KAZN: variants seen among roughly 807,000 people sequenced by gnomAD.
KAZN encodes the protein kazrin.
In KAZN, 40 loss-of-function variants were observed where a neutral mutation model predicts 87.4. That is an observed-to-expected ratio of 0.46 (90% CI 0.36 to 0.60). The LOEUF (loss-of-function observed/expected upper bound fraction) is 0.60, where lower values mean the gene tolerates loss of function less well. Ranked by LOEUF, KAZN falls within the 20% of genes least tolerant of loss-of-function variation. KAZN has a pLI of 0.00. For missense variants in KAZN, 898 were observed against 1,073.9 expected (o/e 0.84, Z 2.29); for synonymous variants, 466 against 458.3 (o/e 1.02, Z -0.22).
chr1:14,151,190 CAGATTGTA>C (rs772775211), intron 1 of KAZN, among the ~76,000 whole-genome samples: 1 of 133,836 alleles, frequency 7.5e-6, no homozygotes, highest in Non-Finnish European at 1.6e-5. Flanking sequence ...ATTCTGTTTC[CAGATTGTA>C]GAAAAAAAAG....
chr1:14,994,658 C>G lies in KAZN; in HGVS notation c.418+33783C>G, dbSNP rs564640401. On this transcript the variant is annotated intron_variant, in intron 2 of 14. Transcript: ENST00000376030. ...CTTATCTGTTGTTCTTGGGCTTCCT[C>G]TCAGCGTCTTAGAGGCAGTGCCACG... Among the ~76,000 whole-genome samples, 4 of 152,354 alleles carry G rather than the reference C, an allele frequency of 2.6e-5. No individual in the cohort carries two copies. In the South Asian group the frequency reaches 8.3e-4, roughly 32 times the overall value.
At chr1:14,901,497 T>C (rs1053629212) in intron 1 of KAZN, among the ~76,000 whole-genome samples, 2 of 151,960 alleles carry the variant, frequency 1.3e-5, no homozygotes, top group Non-Finnish European at 2.9e-5. Flanking sequence ...GTCTGAGTGC[T>C]GATAAGTCTG....
chr1:13,957,107 C>A (rs918050626), intron 1 of KAZN, among the ~76,000 whole-genome samples: 1 of 152,012 alleles, frequency 6.6e-6, no homozygotes, highest in African/African-American at 2.4e-5. Flanking sequence ...TGTGTTGGAG[C>A]CTTGTGACCT....
intron 2 of KAZN, among the ~76,000 whole-genome samples, chr1:14,225,206 G>T (rs544226745): frequency 2.0e-5 from 3 of 152,164 alleles, no homozygotes; most frequent in Admixed American, 6.5e-5. Flanking sequence ...AAAGTTTCAG[G>T]ATACAAAATC....
At chr1:14,754,496 G>T (rs997695383) in intron 1 of KAZN, among the ~76,000 whole-genome samples, 2 of 152,228 alleles carry the variant, frequency 1.3e-5, no homozygotes, top group East Asian at 3.9e-4. Context: ...AGCCAGGCAT[G>T]GTGGTGGGCG....
At chr1:14,423,062 A>C (rs1665524389) in intron 2 of KAZN, among the ~76,000 whole-genome samples, 1 of 152,238 alleles carries the variant, frequency 6.6e-6, no homozygotes, top group African/African-American at 2.4e-5. Flanking sequence ...AGAGGAAGCT[A>C]GTCTCATAGC....
intron 2 of KAZN, among the ~76,000 whole-genome samples, chr1:15,000,240 G>A (rs1668332038): frequency 6.6e-6 from 1 of 151,910 alleles, no homozygotes; most frequent in African/African-American, 2.4e-5. Context: ...ATGGGATGCA[G>A]GCGGCCTCTA....
intron 2 of KAZN, among the ~76,000 whole-genome samples, chr1:14,353,605 A>C (rs1658746727): frequency 6.6e-6 from 1 of 152,242 alleles, no homozygotes; most frequent in Non-Finnish European, 1.5e-5. Flanking sequence ...GTCACATGCT[A>C]TAAAGTTAAC....
At chr1:14,904,955 G>A (rs1007268807) in intron 1 of KAZN, among the ~76,000 whole-genome samples, 2 of 152,158 alleles carry the variant, frequency 1.3e-5, no homozygotes, top group African/African-American at 4.8e-5. Context: ...TAGAGATGGG[G>A]TTTCACGGTG....
intron 2 of KAZN, among the ~76,000 whole-genome samples, chr1:14,985,244 T>TGCCA (rs560285595): frequency 2.7e-5 from 3 of 110,332 alleles, no homozygotes; most frequent in South Asian, 3.1e-4. Flanking sequence ...TCCCAGAACT[T>TGCCA]TGGTGGGAGG....
In KAZN at chr1:14,622,203, C is replaced by T. The variant is rs1050553510; in HGVS notation, c.226+22980C>T. Among the ~76,000 whole-genome samples the T allele has an allele frequency of 7.2e-5, 11 of 152,216 alleles. No homozygotes were observed. In the East Asian group the frequency reaches 1.5e-3, roughly 21 times the overall value. ...CATATAGTAAATTGTAAATGTTGAC[C>T]GATCCAAAGTCCCTGAAATCAGCCC... On this transcript the variant is annotated intron_variant, in intron 1 of 14. Transcript: ENST00000376030.
chr1:14,082,435 C>T (rs1471505356), intron 1 of KAZN, among the ~76,000 whole-genome samples: 1 of 152,172 alleles, frequency 6.6e-6, no homozygotes, highest in African/African-American at 2.4e-5. Context: ...TGTTATTTCA[C>T]AACAAGGGCC....
At chr1:14,248,238 G>T (rs2100602242) in intron 2 of KAZN, among the ~76,000 whole-genome samples, 1 of 152,304 alleles carries the variant, frequency 6.6e-6, no homozygotes, top group African/African-American at 2.4e-5. Context: ...AGGAGACATG[G>T]ATTCTAAACT....
rs375051238 is a variant in KAZN, at chr1:14,949,155, A to AAATCAT, written c.227-11526_227-11525insCATAAT. ...GCAACAGAGTGAGACTCCGACTCAA[A>AAATCAT]AATAATAATAATAATAATAATAATA... is the stretch of plus-strand genomic sequence containing the variant. On this transcript the variant is annotated intron_variant, in intron 1 of 14. Transcript: ENST00000376030. This position sits in a 1 kb window ranked among gnomAD's most constrained non-coding sequence, Gnocchi z 4.3. 7.0e-6 allele frequency among the ~76,000 whole-genome samples: 1 copy of AAATCAT among 143,868 alleles called. No individual in the cohort carries two copies. The highest frequency in any genetic ancestry group is 1.5e-5 in the Non-Finnish European group (1 of 66,222). 94.4% of individuals were successfully genotyped at this position (143,868 alleles called of 152,430 possible).
At position 14,949,422 on chromosome 1, in the gene KAZN, A is replaced by G. The variant is rs1419997397; in HGVS notation, c.227-11262A>G. 1.3e-5 allele frequency among the ~76,000 whole-genome samples: 2 copies of G among 152,138 alleles called. No homozygotes were observed. The highest frequency in any genetic ancestry group is 2.9e-5 in the Non-Finnish European group (2 of 68,024). ...CCAAGTAGGTAGGAGCAGACTGTTC[A>G]TAAGTCATCAAGGAGGCCTGGCCAT... On this transcript the variant is annotated intron_variant, in intron 1 of 14. Coordinates refer to ENST00000376030, the MANE Select transcript of KAZN (RefSeq NM_201628.3). This position sits in a 1 kb window ranked among gnomAD's most constrained non-coding sequence, Gnocchi z 4.3.
intron 8 of KAZN, among the ~76,000 whole-genome samples, chr1:15,086,116 G>GC (rs376006865): frequency 4.0e-4 from 61 of 151,910 alleles, no homozygotes; most frequent in African/African-American, 7.3e-4. Flanking sequence ...GATTACAGGC[G>GC]CCCCCGACCA....
At chr1:14,992,737 G>A (rs1298265419) in intron 2 of KAZN, among the ~76,000 whole-genome samples, 3 of 151,962 alleles carry the variant, frequency 2.0e-5, no homozygotes, top group Non-Finnish European at 2.9e-5. Context: ...TCCATGTCCC[G>A]GGTTCGAGCG....
At chr1:14,475,910 C>T (rs1668696854) in intron 2 of KAZN, among the ~76,000 whole-genome samples, 3 of 152,022 alleles carry the variant, frequency 2.0e-5, no homozygotes. Context: ...ACTTGTCATG[C>T]TCTTCTTTTG....
intron 2 of KAZN, among the ~76,000 whole-genome samples, chr1:14,464,007 C>T (rs1454507506): frequency 1.3e-5 from 2 of 152,204 alleles, no homozygotes; most frequent in Non-Finnish European, 2.9e-5. Flanking sequence ...ACCTAAGGAA[C>T]ACTAGGAAGA....
Sources: gnomAD v4.1 joint callset for allele counts (sites outside exome capture counted in the v4.1 genomes callset) on GRCh38, gnomAD v4.1.1 for gene constraint, Gnocchi (gnomAD v3.1) non-coding constraint, MANE v1.5 for transcripts, NCBI Gene and HGNC (gene_info 2026-07-23, HGNC 2026-07-21) for gene names.